The following JAK3 variants were observed in gnomAD, a reference collection of about 807,000 sequenced individuals.
JAK3 encodes the protein Janus kinase 3.
Under a neutral mutation model 120.8 loss-of-function variants are expected in JAK3, and 88 were observed. That is an observed-to-expected ratio of 0.73 (90% CI 0.61 to 0.87). The LOEUF (loss-of-function observed/expected upper bound fraction) is 0.87, where lower values mean the gene tolerates loss of function less well. JAK3 is among the 40% of genes least tolerant of loss of function. JAK3 has a pLI of 0.00. For synonymous variants in JAK3, 592 were observed against 628.6 expected (o/e 0.94, Z 0.87); for missense variants, 1,254 against 1,501.4 (o/e 0.84, Z 2.72).
chr19:17,840,969 C>T (rs1402270454), intron 8 of JAK3, among the ~76,000 whole-genome samples: 1 of 151,954 alleles, frequency 6.6e-6, no homozygotes, highest in Non-Finnish European at 1.5e-5. Flanking sequence ...AGGTCAACCA[C>T]CACACCCAGC....
rs2147700122 is a variant in JAK3 at position 17,843,864 on chromosome 19, G to A, written c.221C>T (p.Ala74Val). Residue 74 changes from alanine to valine, a missense_variant, in exon 3 of 24, where the codon GCC becomes GTC. Ala to Val is a moderately conservative substitution (Grantham distance 64, BLOSUM62 0). Coordinates refer to ENST00000458235, the MANE Select transcript of JAK3 (RefSeq NM_000215.4). The surrounding 1 kb of genome is among the most constrained non-coding windows in gnomAD (Gnocchi z 5.4). ...LPVYHSLFAL[A>V]TEDLSCWFPP... is the part of the protein sequence containing the mutation. ...GAACCAGCAGGACAGGTCCTCCGTG[G>A]CCAGAGCAAAGAGGGAGTGGTACAC... The A allele has an allele frequency of 1.2e-6, 2 of 1,613,646 alleles. No individual in the cohort carries two copies. Among genetic ancestry groups the A allele is most frequent in the Non-Finnish European group, 1.7e-6 (2 of 1,179,968 alleles).
In JAK3 at chr19:17,842,227, G is replaced by C; in HGVS notation, c.861+89C>G. ...CCACTTCCCCAAGTCTTTCGTTTTG[G>C]CTCCGCCCCACATCCCCTACCACTC... is the stretch of plus-strand genomic sequence containing the variant. On this transcript the variant is annotated intron_variant, in intron 6 of 23. Transcript: ENST00000458235. This position sits in a 1 kb window ranked among gnomAD's most constrained non-coding sequence, Gnocchi z 6.4. 7.4e-7 allele frequency: 1 copy of C among 1,347,354 alleles called. No individual in the cohort carries two copies. Among genetic ancestry groups the C allele is most frequent in the Admixed American group, 2.8e-5 (1 of 35,170 alleles). The allele number at this position is 1,347,354 out of a possible 1,614,324, so 83.5% of individuals were successfully genotyped here.
chr19:17,847,602 C>G (rs1332845314), intron 1 of JAK3, among the ~76,000 whole-genome samples: 1 of 152,154 alleles, frequency 6.6e-6, no homozygotes, highest in East Asian at 1.9e-4. Context: ...GTGTCTGGAC[C>G]GGGAAGGCCT....
Position 17,831,203 on chromosome 19 carries a change from C to A in JAK3, c.2978+25G>T. The A allele has an allele frequency of 6.2e-7, 1 of 1,607,544 alleles. No homozygotes were observed. The highest frequency in any genetic ancestry group is 1.1e-5 in the South Asian group (1 of 91,026). ...GAGCCAGAGCCGTGGGGAATAGGGG[C>A]GGAGCCTAGGCGCGGGTTCCCCACC... is the stretch of plus-strand genomic sequence containing the variant. On this transcript the variant is annotated intron_variant, in intron 21 of 23. Transcript: ENST00000458235. The surrounding 1 kb of genome is among the most constrained non-coding windows in gnomAD (Gnocchi z 5.1).
chr19:17,842,665 G>A lies in JAK3; in HGVS notation c.567-55C>T. On this transcript the variant is annotated intron_variant, in intron 5 of 23. Coordinates refer to ENST00000458235, the MANE Select transcript of JAK3 (RefSeq NM_000215.4). This position sits in a 1 kb window ranked among gnomAD's most constrained non-coding sequence, Gnocchi z 6.4. ...CCTCAGCGTCGGGAGGGGTCCCCGC[G>A]GGGACACACACAAACCCAGGCTTTA... 6.8e-7 allele frequency: 1 copy of A among 1,476,076 alleles called. No homozygotes were observed. Among genetic ancestry groups the A allele is most frequent in the Non-Finnish European group, 9.1e-7 (1 of 1,104,388 alleles). 91.4% of individuals were successfully genotyped at this position (1,476,076 alleles called of 1,614,324 possible).
intron 23 of JAK3, 29 bp from the exon 24 acceptor site, chr19:17,826,939 C>A (rs776502148): frequency 1.3e-6 from 2 of 1,598,244 alleles, no homozygotes; most frequent in Non-Finnish European, 1.7e-6. Flanking sequence ...ATAATGGGGT[C>A]GTGCCTGAGC....
At position 17,841,769 on chromosome 19, in the gene JAK3, A is replaced by G; in HGVS notation, c.862-7T>C. ...CGCAGAAGGGCTGGAGGACCTGGGA[A>G]GGAGGGGGAGTACCGAAGTGGGGGC... On this transcript the variant is annotated splice_region_variant and splice_polypyrimidine_tract_variant and intron_variant, in intron 6 of 23. Coordinates refer to ENST00000458235, the MANE Select transcript of JAK3 (RefSeq NM_000215.4). This position sits in a 1 kb window ranked among gnomAD's most constrained non-coding sequence, Gnocchi z 4.1. The G allele has an allele frequency of 6.2e-7, 1 of 1,602,370 alleles. No individual in the cohort carries two copies.
At position 17,825,466 on chromosome 19, in the gene JAK3, G is replaced by A; in HGVS notation, c.*1277C>T. ...ACCATTAGGGTGGACTGGGACCCCA[G>A]CCTTTCCTGCCCCCTTTCAGGATCC... On this transcript the variant is annotated 3_prime_UTR_variant, in exon 24 of 24. Coordinates refer to ENST00000458235, the MANE Select transcript of JAK3 (RefSeq NM_000215.4). The A allele has an allele frequency of 4.7e-6, 1 of 214,028 alleles. No individual in the cohort carries two copies. Among genetic ancestry groups the A allele is most frequent in the East Asian group, 6.9e-5 (1 of 14,448 alleles). 13.3% of individuals were successfully genotyped at this position (214,028 alleles called of 1,614,324 possible).
At position 17,843,341 on chromosome 19, in the gene JAK3, C is replaced by A; in HGVS notation, c.420+39G>T. 1 of 1,532,232 alleles carries A rather than the reference C, an allele frequency of 6.5e-7. No homozygotes were observed. The highest frequency in any genetic ancestry group is 8.9e-7 in the Non-Finnish European group (1 of 1,128,246). 94.9% of individuals were successfully genotyped at this position (1,532,232 alleles called of 1,614,324 possible). ...GCCAGTCCTCATGTTGCCCCTTGGA[C>A]CCCCAACCCCCTGGGTCAAACCCCA... On this transcript the variant is annotated intron_variant, in intron 4 of 23. Coordinates refer to ENST00000458235, the MANE Select transcript of JAK3 (RefSeq NM_000215.4). The surrounding 1 kb of genome is among the most constrained non-coding windows in gnomAD (Gnocchi z 5.4).
intron 17 of JAK3, among the ~76,000 whole-genome samples, 199 bp downstream of exon 17, chr19:17,834,372 T>A (rs960386136): frequency 1.2e-4 from 18 of 151,988 alleles, no homozygotes; most frequent in African/African-American, 4.3e-4. Flanking sequence ...AATAAATAAA[T>A]AAAATATCAT....
In JAK3 at chr19:17,838,263, C is replaced by T. The variant is rs1305851796; in HGVS notation, c.1569G>A (p.Trp523Ter). Reference protein sequence around the residue: ...FHKIPADSLEWHENLGHGSFT... With the variant: ...FHKIPADSLE The stretch of plus-strand genomic sequence containing the variant: ...CGCCTCATTTCCCAGGGCCTCTTAC[C>T]CACTCCAGGCTGTCAGCAGGGATCT... Residue 523 changes from tryptophan to a stop codon, truncating the protein, a stop_gained and splice_region_variant, in exon 11 of 24, where the codon TGG becomes TGA. Transcript: ENST00000458235. LOFTEE classifies it high-confidence loss of function. 6.2e-7 allele frequency: 1 copy of T among 1,613,946 alleles called. No homozygotes were observed. Among genetic ancestry groups the T allele is most frequent in the Non-Finnish European group, 8.5e-7 (1 of 1,180,036 alleles).
chr19:17,842,430 C>T lies in JAK3; in HGVS notation c.747G>A (p.Gly249=). ...IMDLERLDPA[G]AAETFHVGLP... ...GGCCCACGTGGAAGGTCTCGGCGGCCCCGGCTGGATCCAGCCGCTCCAGGT... is the reference window on the plus strand; with the variant it reads ...GGCCCACGTGGAAGGTCTCGGCGGCTCCGGCTGGATCCAGCCGCTCCAGGT... Residue 249 remains glycine, a synonymous_variant, in exon 6 of 24, where the codon GGG becomes GGA. Transcript: ENST00000458235. The surrounding 1 kb of genome is among the most constrained non-coding windows in gnomAD (Gnocchi z 6.4). 1.3e-6 allele frequency: 2 copies of T among 1,585,464 alleles called. No individual in the cohort carries two copies. The highest frequency in any genetic ancestry group is 1.1e-5 in the South Asian group (1 of 87,850).
intron 12 of JAK3, 110 bp from the exon 13 acceptor site, chr19:17,837,323 T>C: frequency 1.2e-6 from 1 of 822,266 alleles, no homozygotes. Flanking sequence ...ACAGGTCACC[T>C]TTGGCCCTGG....
At chr19:17,833,025 C>G (rs2094217308) in intron 17 of JAK3, 96 bp from the exon 18 acceptor site, 7 of 1,532,864 alleles carry the variant, frequency 4.6e-6, no homozygotes, top group Admixed American at 2.0e-5. Context: ...GCATATTGAC[C>G]CTCTCTGTGC....
Position 17,843,923 on chromosome 19 carries a change from C to G in JAK3, c.185-23G>C, listed in dbSNP as rs549374871. The G allele has an allele frequency of 6.2e-7, 1 of 1,613,134 alleles. No individual in the cohort carries two copies. The highest frequency in any genetic ancestry group is 2.2e-5 in the East Asian group (1 of 44,860). On this transcript the variant is annotated intron_variant, in intron 2 of 23. Transcript: ENST00000458235. The surrounding 1 kb of genome is among the most constrained non-coding windows in gnomAD (Gnocchi z 5.4). ...TGCCTACAGGGGATGGTCCCATCAG[C>G]TCCCTCCTGAGTCACCCCATCTGTG...
At chr19:17,844,804 AAAAAAAAAAGAAAG>A (rs1366907597) in intron 1 of JAK3, among the ~76,000 whole-genome samples, 2 of 143,048 alleles carry the variant, frequency 1.4e-5, no homozygotes, top group East Asian at 4.0e-4. Context: ...CTCAAAAAAA[AAAAAAAAAAGAAAG>A]AAAGAAAGAA....
intron 17 of JAK3, among the ~76,000 whole-genome samples, chr19:17,833,991 T>G (rs900080980): frequency 1.2e-4 from 18 of 152,120 alleles, no homozygotes; most frequent in African/African-American, 3.6e-4. Flanking sequence ...GCTCAAGCGA[T>G]CCACCTACCT....
chr19:17,844,300 G>T lies in JAK3; in HGVS notation c.118C>A (p.Arg40Ser). Residue 40 changes from arginine (R) to serine (S), a missense_variant, in exon 2 of 24, where the codon CGC (arginine) becomes AGC (serine). Arg to Ser is a moderately radical substitution (Grantham distance 110). Coordinates refer to ENST00000458235, the MANE Select transcript of JAK3 (RefSeq NM_000215.4). ...LPARGPGPPQ[R>S]LSFSFGDHLA... ...TGGTCCCCAAAGGAGAAAGATAGGC[G>T]CTGGGGGGGCCCGGGGCCCCGAGCG... 1.9e-6 allele frequency: 3 copies of T among 1,607,342 alleles called. No individual in the cohort carries two copies. Among genetic ancestry groups the T allele is most frequent in the Non-Finnish European group, 2.5e-6 (3 of 1,177,748 alleles).
rs937635354 is a variant in JAK3, at chr19:17,841,923, C to G, written c.862-161G>C. Among the ~76,000 whole-genome samples, 1 of 151,818 alleles carries G rather than the reference C, an allele frequency of 6.6e-6. No individual in the cohort carries two copies. The highest frequency in any genetic ancestry group is 2.4e-5 in the African/African-American group (1 of 41,276). On this transcript the variant is annotated intron_variant, in intron 6 of 23. Coordinates refer to ENST00000458235, the MANE Select transcript of JAK3 (RefSeq NM_000215.4). The surrounding 1 kb of genome is among the most constrained non-coding windows in gnomAD (Gnocchi z 4.1). The stretch of plus-strand genomic sequence containing the variant: ...ATCAACTCCAACCTCTCAACACCTC[C>G]CCTACCCATCCCCAAACATCTCCCA...
Sources: gnomAD v4.1 joint callset for allele counts (sites outside exome capture counted in the v4.1 genomes callset) on GRCh38, gnomAD v4.1.1 for gene constraint, Gnocchi (gnomAD v3.1) non-coding constraint, MANE v1.5 for transcripts, NCBI Gene and HGNC (gene_info 2026-07-23, HGNC 2026-07-21) for gene names.